Variants in GSE1 observed in about 807,000 individuals in gnomAD.
GSE1 encodes the protein Gse1 coiled-coil protein, also known as genetic suppressor element 1.
A neutral mutation model predicts 112.6 loss-of-function variants in GSE1; 32 were observed. That is an observed-to-expected ratio of 0.28 (90% CI 0.21 to 0.38). The LOEUF is 0.38. GSE1 is among the 10% of genes least tolerant of loss of function. GSE1 has a pLI of 1.00. For synonymous variants in GSE1, 1,115 were observed against 735.6 expected (o/e 1.52, Z -8.35); for missense variants, 2,348 against 1,699.2 (o/e 1.38, Z -6.71).
At chr16:85,532,425 T>A (rs1042936049) in intron 2 of GSE1, among the ~76,000 whole-genome samples, 1 of 152,168 alleles carries the variant, frequency 6.6e-6, no homozygotes, top group East Asian at 1.9e-4. Context: ...CACGCCAGGC[T>A]AAACTTATTT....
intron 15 of GSE1, 43 bp downstream of exon 15, chr16:85,671,141 T>A (rs2053295650): frequency 8.7e-7 from 1 of 1,148,008 alleles, no homozygotes; most frequent in East Asian, 2.4e-5. Flanking sequence ...CGCAACCTTT[T>A]GAGTTTGGGT....
rs1214833279 is a variant in GSE1, at chr16:85,373,819, C to CTGCCCCACGG, written c.2464+16188_2464+16197dup. 1.3e-5 allele frequency among the ~76,000 whole-genome samples: 2 copies of CTGCCCCACGG among 152,198 alleles called. No homozygotes were observed. The highest frequency in any genetic ancestry group is 2.9e-5 in the Non-Finnish European group (2 of 68,026). On this transcript the variant is annotated intron_variant, in intron 2 of 2. Coordinates refer to the GSE1 transcript ENST00000637419. This position sits in a 1 kb window ranked among gnomAD's most constrained non-coding sequence, Gnocchi z 5.1. ...AGCCCAGGGCAGGGTGATTGTGCTC[C>CTGCCCCACGG]TGCCCCACGGTGCCCCACGGTTACC...
rs532798881 is a variant in GSE1 at position 85,486,888 on chromosome 16, GC to G, written c.2464+129246del. Among the ~76,000 whole-genome samples, 12 of 152,328 alleles carry G rather than the reference GC, an allele frequency of 7.9e-5. No individual in the cohort carries two copies. The East Asian group carries it at 9.6e-4, about 12-fold the overall frequency. On this transcript the variant is annotated intron_variant, in intron 2 of 2. Coordinates refer to the GSE1 transcript ENST00000637419. Reference sequence around the variant, plus strand: ...ATTTCTTGGGATGAGTTTAGCTGTTGCTAAACATAGGCTGCAGGATTCAGGC... The same window carrying G: ...ATTTCTTGGGATGAGTTTAGCTGTTGTAAACATAGGCTGCAGGATTCAGGC...
At chr16:85,176,568 T>C (rs905279498) in intron 1 of GSE1, among the ~76,000 whole-genome samples, 3 of 152,244 alleles carry the variant, frequency 2.0e-5, no homozygotes, top group African/African-American at 7.2e-5. Context: ...GCATGATGGA[T>C]TGGCTCTCCC....
At chr16:85,258,500 T>C (rs1172460029) in intron 1 of GSE1, among the ~76,000 whole-genome samples, 1 of 142,852 alleles carries the variant, frequency 7.0e-6, no homozygotes, top group Admixed American at 6.7e-5. Flanking sequence ...CTCAGCCCTC[T>C]TGCATCCTGC....
intron 1 of GSE1, among the ~76,000 whole-genome samples, chr16:85,196,014 C>T (rs2074919664): frequency 6.6e-6 from 1 of 152,156 alleles, no homozygotes; most frequent in African/African-American, 2.4e-5. Context: ...GAGTCGGGGG[C>T]AGCACCCGAT....
rs2045861297 is a variant in GSE1, at chr16:85,311,953, A to G, written c.2284-45510A>G. On this transcript the variant is annotated intron_variant, in intron 1 of 2. Transcript: ENST00000637419. This position sits in a 1 kb window ranked among gnomAD's most constrained non-coding sequence, Gnocchi z 4.2. ...CAGCACTGCCCAGCCCCAGCCCCGC[A>G]CCACTGTCCTCATGTCTGGAGATGT... Among the ~76,000 whole-genome samples, 1 of 152,058 alleles carries G rather than the reference A, an allele frequency of 6.6e-6. No individual in the cohort carries two copies. The highest frequency in any genetic ancestry group is 2.1e-4 in the South Asian group (1 of 4,816).
At chr16:85,614,499 TAGGG>T (rs1252835362) in intron 1 of GSE1, among the ~76,000 whole-genome samples, 1 of 151,540 alleles carries the variant, frequency 6.6e-6, no homozygotes, top group Non-Finnish European at 1.5e-5. Context: ...GCGCAGGCCA[TAGGG>T]AGGGGGTTCC....
In GSE1 at chr16:85,600,562, A is replaced by AC. The variant is rs1567633440; in HGVS notation, c.37+44199_37+44200insC. Among the ~76,000 whole-genome samples the AC allele has an allele frequency of 3.5e-3, 519 of 148,642 alleles. 1 individual carries two copies. The highest frequency in any genetic ancestry group is 0.012 in the African/African-American group (486 of 40,104). On this transcript the variant is annotated intron_variant, in intron 1 of 2. Transcript: ENST00000635906. ...AGATCATTTGGGAGCCTTGTTAAAA[A>AC]ACACACACACACACACACACCCCAA...
chr16:85,302,926 C>T, intron 1 of GSE1, among the ~76,000 whole-genome samples: 1 of 152,226 alleles, frequency 6.6e-6, no homozygotes, highest in Non-Finnish European at 1.5e-5. Flanking sequence ...GTGGGTCTTC[C>T]ACAAGGTGAC....
chr16:85,614,063 C>G (rs1426663901), intron 1 of GSE1, among the ~76,000 whole-genome samples: 2 of 151,110 alleles, frequency 1.3e-5, no homozygotes, highest in Non-Finnish European at 3.0e-5. Flanking sequence ...CCCCCCACCC[C>G]CGGCGGAGCG....
intron 2 of GSE1, among the ~76,000 whole-genome samples, chr16:85,430,085 C>G (rs1260860294): frequency 6.6e-6 from 1 of 152,230 alleles, no homozygotes; most frequent in African/African-American, 2.4e-5. Context: ...TCAGTCGGAG[C>G]CCAGTGATGT....
At chr16:85,199,699 A>T (rs1286063712) in intron 1 of GSE1, among the ~76,000 whole-genome samples, 1 of 151,548 alleles carries the variant, frequency 6.6e-6, no homozygotes, top group Non-Finnish European at 1.5e-5. Context: ...TAAGTTTGGG[A>T]GCTCAGGATC....
At chr16:85,634,719 G>C (rs1351487481) in intron 2 of GSE1, among the ~76,000 whole-genome samples, 1 of 152,204 alleles carries the variant, frequency 6.6e-6, no homozygotes, top group African/African-American at 2.4e-5. Context: ...CCTGCTGTGT[G>C]AACCTGGGCA....
chr16:85,256,506 A>G (rs1234426846), intron 1 of GSE1, among the ~76,000 whole-genome samples: 1 of 152,128 alleles, frequency 6.6e-6, no homozygotes, highest in African/African-American at 2.4e-5. Context: ...TGAGGTGCTC[A>G]CTCGGGGTCA....
chr16:85,312,376 C>A (rs543369490), intron 1 of GSE1, among the ~76,000 whole-genome samples: 9 of 152,328 alleles, frequency 5.9e-5, no homozygotes, highest in Admixed American at 5.9e-4. Context: ...CCCTCCCTTC[C>A]AAGGCTCGGG....
intron 1 of GSE1, among the ~76,000 whole-genome samples, chr16:85,198,976 G>A (rs935992941): frequency 2.0e-5 from 3 of 149,876 alleles, no homozygotes; most frequent in Non-Finnish European, 4.4e-5. Flanking sequence ...ACGGAGTCTC[G>A]CTCTGTTGCC....
At chr16:85,223,199 C>T (rs1325909931) in intron 1 of GSE1, among the ~76,000 whole-genome samples, 1 of 152,150 alleles carries the variant, frequency 6.6e-6, no homozygotes. Context: ...CCAAATGGAA[C>T]CAGAACCATG....
chr16:85,244,556 C>A (rs1390198795), intron 1 of GSE1, among the ~76,000 whole-genome samples: 1 of 152,090 alleles, frequency 6.6e-6, no homozygotes. Flanking sequence ...TGCAACTATA[C>A]GTGAAAAACC....
Sources: gnomAD v4.1 joint callset for allele counts (sites outside exome capture counted in the v4.1 genomes callset) on GRCh38, gnomAD v4.1.1 for gene constraint, Gnocchi (gnomAD v3.1) non-coding constraint, MANE v1.5 for transcripts, NCBI Gene and HGNC (gene_info 2026-07-23, HGNC 2026-07-21) for gene names.